The following ETV4 variants were observed in gnomAD, a reference collection of about 807,000 sequenced individuals.
ETV4 encodes the protein ETS variant transcription factor 4.
A neutral mutation model predicts 65.9 loss-of-function variants in ETV4; 42 were observed. The ratio of observed to expected loss-of-function variants is 0.64; its 90% CI spans 0.50 to 0.82. The LOEUF (loss-of-function observed/expected upper bound fraction) is 0.82, where lower values mean the gene tolerates loss of function less well. Ranked by LOEUF, ETV4 falls within the 40% of genes least tolerant of loss-of-function variation. The pLI, the probability that ETV4 is intolerant of heterozygous loss-of-function variation, is 0.00. For missense variants in ETV4, 583 were observed against 630.3 expected (o/e 0.92, Z 0.80); for synonymous variants, 238 against 260.0 (o/e 0.92, Z 0.81).
At chr17:43,529,059 C>T in intron 12 of ETV4, 76 bp downstream of exon 12, 1 of 1,383,816 alleles carries the variant, frequency 7.2e-7, no homozygotes, top group Non-Finnish European at 1.0e-6. Flanking sequence ...GAGAACTGCC[C>T]TGCTGACCCT....
intron 6 of ETV4, 65 bp from the exon 7 acceptor site, chr17:43,533,413 A>G (rs1971068375): frequency 6.7e-7 from 1 of 1,487,778 alleles, no homozygotes; most frequent in Non-Finnish European, 9.2e-7. Flanking sequence ...TGAACCCTTC[A>G]TTCCTAGGAA....
At chr17:43,535,827 T>TG (rs1971212173) in intron 5 of ETV4, among the ~76,000 whole-genome samples, 1 of 152,078 alleles carries the variant, frequency 6.6e-6, no homozygotes, top group African/African-American at 2.4e-5. Flanking sequence ...ATACTAGAAC[T>TG]GGGGGCGGGC....
At chr17:43,529,331 A>T in intron 11 of ETV4, 95 bp from the exon 12 acceptor site, 1 of 1,431,396 alleles carries the variant, frequency 7.0e-7, no homozygotes, top group Non-Finnish European at 9.8e-7. Flanking sequence ...CTTGGTGCAA[A>T]GTGCCAAGCT....
In ETV4 at chr17:43,533,933, G is replaced by A; in HGVS notation, c.309C>T (p.Arg103=). The A allele has an allele frequency of 1.9e-6, 3 of 1,562,594 alleles. No individual in the cohort carries two copies. Among genetic ancestry groups the A allele is most frequent in the Middle Eastern group, 1.7e-4 (1 of 5,850 alleles). ...TGCTGCAGGACAGGGCCGGGTCTGT[G>A]CGGGGACTCTGGGGCTCCTTCTTGA... ...TRIKKEPQSP[R]TDPALSCSRK... is the part of the protein sequence containing the mutation. Residue 103 remains arginine, a synonymous_variant, in exon 6 of 13, where the codon CGC becomes CGT. Transcript: ENST00000319349.
At position 43,545,175 on chromosome 17, in the gene ETV4, C is replaced by CG. The variant is rs1971740720; in HGVS notation, c.154+98dup. The CG allele has an allele frequency of 2.5e-6, 3 of 1,219,354 alleles. No homozygotes were observed. The Admixed American group carries it at 6.1e-5, about 25-fold the overall frequency. The allele number at this position is 1,219,354 out of a possible 1,614,324, so 75.5% of individuals were successfully genotyped here. ...AGGGCGAGTTTTTTGGGGAAACAGG[C>CG]GGGGGTTCCAGAATCGGCCGTGTGT... On this transcript the variant is annotated intron_variant, in intron 3 of 12. Transcript: ENST00000319349.
intron 8 of ETV4, 117 bp from the exon 9 acceptor site, chr17:43,530,298 C>G: frequency 6.6e-7 from 1 of 1,505,572 alleles, no homozygotes; most frequent in Non-Finnish European, 8.9e-7. Flanking sequence ...TTCCTGGTGA[C>G]TGTTCTTTGC....
chr17:43,528,443 G>T lies in ETV4; in HGVS notation c.*76C>A. The T allele has an allele frequency of 2.9e-6, 3 of 1,044,196 alleles. No homozygotes were observed. The highest frequency in any genetic ancestry group is 4.2e-6 in the Non-Finnish European group (3 of 721,410). 64.7% of individuals were successfully genotyped at this position (1,044,196 alleles called of 1,614,324 possible). A position where few individuals can be genotyped will look rare whatever the true frequency, so the allele number is the denominator to read the frequency against. On this transcript the variant is annotated 3_prime_UTR_variant, in exon 13 of 13. Coordinates refer to ENST00000319349, the MANE Select transcript of ETV4 (RefSeq NM_001079675.5). ...AGACATCTGTGGGTTTCAGATGAAGGTTTCCCCAACACCAGATTCATTTAT... is the reference window on the plus strand; with the variant it reads ...AGACATCTGTGGGTTTCAGATGAAGTTTTCCCCAACACCAGATTCATTTAT...
intron 4 of ETV4, among the ~76,000 whole-genome samples, chr17:43,539,701 TGACCATC>T: frequency 6.6e-6 from 1 of 152,222 alleles, no homozygotes; most frequent in Non-Finnish European, 1.5e-5. Flanking sequence ...GAAGAGATCC[TGACCATC>T]CTAGCCCTTC....
At chr17:43,541,812 A>T (rs1026981718) in intron 4 of ETV4, among the ~76,000 whole-genome samples, 3 of 152,142 alleles carry the variant, frequency 2.0e-5, no homozygotes, top group African/African-American at 7.2e-5. Flanking sequence ...TGGAGGGGAC[A>T]TATTTGTCCC....
chr17:43,532,944 A>G lies in ETV4; in HGVS notation c.546-5T>C. On this transcript the variant is annotated splice_polypyrimidine_tract_variant and splice_region_variant and intron_variant, in intron 7 of 12. Coordinates refer to ENST00000319349, the MANE Select transcript of ETV4 (RefSeq NM_001079675.5). ...AGGGGCTGCTGGAAGACGGAGCTGGATGTGGTTGGATGGAGAAGGAAGAGA... is the reference window on the plus strand; with the variant it reads ...AGGGGCTGCTGGAAGACGGAGCTGGGTGTGGTTGGATGGAGAAGGAAGAGA... 2.6e-6 allele frequency: 4 copies of G among 1,556,558 alleles called. No homozygotes were observed. Among genetic ancestry groups the G allele is most frequent in the Non-Finnish European group, 3.5e-6 (4 of 1,151,490 alleles).
rs934143979 is a variant in ETV4 at position 43,528,359 on chromosome 17, G to A, written c.*160C>T. 8 of 539,386 alleles carry A rather than the reference G, an allele frequency of 1.5e-5. No individual in the cohort carries two copies. The highest frequency in any genetic ancestry group is 7.6e-5 in the African/African-American group (4 of 52,676). The allele number at this position is 539,386 out of a possible 1,614,324, so 33.4% of individuals were successfully genotyped here. A position where few individuals can be genotyped will look rare whatever the true frequency, so the allele number is the denominator to read the frequency against. ...TCCACTTTTCCTTCCCAATGACTCC[G>A]GTGAGCAGCTCAGAGTCTGGGCTAG... On this transcript the variant is annotated 3_prime_UTR_variant, in exon 13 of 13. Transcript: ENST00000319349.
At chr17:43,538,824 C>G (rs1971375130) in intron 4 of ETV4, among the ~76,000 whole-genome samples, 1 of 152,070 alleles carries the variant, frequency 6.6e-6, no homozygotes, top group Admixed American at 6.5e-5. Context: ...CTGGAGACTG[C>G]TCTCTCCTTC....
intron 4 of ETV4, among the ~76,000 whole-genome samples, chr17:43,542,235 C>T (rs1203563542): frequency 2.6e-5 from 4 of 152,082 alleles, no homozygotes; most frequent in African/African-American, 9.7e-5. Flanking sequence ...ATCCATACAC[C>T]TTTATGTATG....
chr17:43,543,274 ACACT>A (rs1234004095), intron 4 of ETV4, among the ~76,000 whole-genome samples: 5 of 41,496 alleles, frequency 1.2e-4, no homozygotes, highest in Non-Finnish European at 2.2e-4. Context: ...TAACACACAC[ACACT>A]CTCTCTCTCT....
At chr17:43,535,909 G>A (rs183160022) in intron 5 of ETV4, among the ~76,000 whole-genome samples, 31 of 152,280 alleles carry the variant, frequency 2.0e-4, no homozygotes, top group Admixed American at 9.1e-4. Flanking sequence ...TCAGGAATTC[G>A]AGACCATCCT....
At chr17:43,542,667 C>G (rs9912927) in intron 4 of ETV4, among the ~76,000 whole-genome samples, 38,324 of 151,986 alleles carry the variant, frequency 0.25, 5,533 homozygotes, top group East Asian at 0.32. Context: ...AAGCCGCACT[C>G]ACACTCACCC....
chr17:43,538,722 CAAG>C (rs1288634795), intron 4 of ETV4, among the ~76,000 whole-genome samples: 4 of 152,120 alleles, frequency 2.6e-5, no homozygotes, highest in Admixed American at 6.5e-5. Flanking sequence ...ATGTAGACAC[CAAG>C]AAGAACTTCC....
chr17:43,539,001 ATT>A (rs1567713854), intron 4 of ETV4, among the ~76,000 whole-genome samples: 1 of 152,048 alleles, frequency 6.6e-6, no homozygotes, highest in African/African-American at 2.4e-5. Flanking sequence ...AGGCTCCATC[ATT>A]TCTTACTTGG....
In ETV4 at chr17:43,530,508, G is replaced by C. The variant is rs1004529217; in HGVS notation, c.812-327C>G. ...TCAGGGGGAGGAGGGAGGGTGAGATGAACGTCCGGGGAAAGAGTTCGGTGT... is the reference window on the plus strand; with the variant it reads ...TCAGGGGGAGGAGGGAGGGTGAGATCAACGTCCGGGGAAAGAGTTCGGTGT... On this transcript the variant is annotated intron_variant, in intron 8 of 12. Coordinates refer to ENST00000319349, the MANE Select transcript of ETV4 (RefSeq NM_001079675.5). 4.5e-6 allele frequency: 5 copies of C among 1,121,328 alleles called. No homozygotes were observed. The Admixed American group carries it at 1.1e-4, about 25-fold the overall frequency. 69.5% of individuals were successfully genotyped at this position (1,121,328 alleles called of 1,614,324 possible).
Sources: gnomAD v4.1 joint callset for allele counts (sites outside exome capture counted in the v4.1 genomes callset) on GRCh38, gnomAD v4.1.1 for gene constraint, MANE v1.5 for transcripts, NCBI Gene and HGNC (gene_info 2026-07-23, HGNC 2026-07-21) for gene names.